Variants in CACNA1H observed in about 807,000 individuals in gnomAD.
The protein encoded by CACNA1H is voltage-dependent T-type calcium channel subunit alpha-1H.
A neutral mutation model predicts 192.5 loss-of-function variants in CACNA1H; 149 were observed. The ratio of observed to expected loss-of-function variants is 0.77; its 90% CI spans 0.68 to 0.89. The LOEUF (loss-of-function observed/expected upper bound fraction) is 0.89, where lower values mean the gene tolerates loss of function less well. Among genes scored for constraint, CACNA1H ranks in the 40% least tolerant of loss-of-function variants. The pLI is 0.00. For synonymous variants in CACNA1H, 2,202 were observed against 1,475.2 expected, an observed-to-expected ratio of 1.49 and a Z score of -11.29; for missense variants, 4,257 against 3,423.5, an observed-to-expected ratio of 1.24 and a Z score of -6.08.
At chr16:1,207,987 G>A (rs189662142) in intron 15 of CACNA1H, 26 bp from the exon 16 acceptor site, 26 of 1,578,834 alleles carry the variant, frequency 1.6e-5, no homozygotes, top group Non-Finnish European at 4.3e-6. Context: ...CAGCTCTAGG[G>A]GCCCATTCCT....
At position 1,213,844 on chromosome 16, in the gene CACNA1H, C is replaced by T. The variant is rs1427804663; in HGVS notation, c.4842C>T (p.Cys1614=). The change falls in exon 27 of 35, where the codon TGC becomes TGT. Residue 1614 remains cysteine, a synonymous_variant. Transcript: ENST00000348261. ...SPTRRSIHSL[C]TSHYLDLFIT... is the part of the protein sequence containing the mutation. ...CGCGCCGCTCCATTCACTCGCTGTG[C>T]ACCAGCCACTATCTCGACCTCTTCA... 6 of 1,603,876 alleles carry T rather than the reference C, an allele frequency of 3.7e-6. No homozygotes were observed. Among genetic ancestry groups the T allele is most frequent in the Admixed American group, 1.7e-5 (1 of 58,656 alleles).
At chr16:1,165,602 A>G (rs1007799625) in intron 2 of CACNA1H, among the ~76,000 whole-genome samples, 1 of 151,806 alleles carries the variant, frequency 6.6e-6, no homozygotes, top group African/African-American at 2.4e-5. Context: ...GCCGGCCCGG[A>G]GCTGAGGCAC....
rs1403815239 is a variant in CACNA1H at position 1,195,549 on chromosome 16, TTCA to T, written c.532_534del (p.Ile178del). The T allele has an allele frequency of 1.9e-6, 3 of 1,603,732 alleles. No individual in the cohort carries two copies. The highest frequency in any genetic ancestry group is 1.1e-5 in the South Asian group (1 of 88,808). On this transcript the variant is annotated inframe_deletion, in exon 4 of 35. Coordinates refer to ENST00000348261, the MANE Select transcript of CACNA1H (RefSeq NM_021098.3). The stretch of plus-strand genomic sequence containing the variant: ...TGACACGTGGAACAGGCTGGATTTC[TTCA>T]TCGTCGTGGCGGGGTAGGCCCCGCC...
chr16:1,211,092 G>A, intron 21 of CACNA1H, 76 bp from the exon 22 acceptor site: 1 of 1,579,230 alleles, frequency 6.3e-7, no homozygotes, highest in South Asian at 1.1e-5. Context: ...CCCACCTTGG[G>A]ACCTTTGCTG....
chr16:1,177,911 GA>G (rs1031341827), intron 2 of CACNA1H, among the ~76,000 whole-genome samples: 1 of 151,876 alleles, frequency 6.6e-6, no homozygotes, highest in Non-Finnish European at 1.5e-5. Flanking sequence ...ACTCCATGGG[GA>G]CACAAACTCT....
Position 1,211,934 on chromosome 16 carries a change from T to G in CACNA1H, c.4567-12T>G. The G allele has an allele frequency of 1.9e-6, 3 of 1,612,786 alleles. No individual in the cohort carries two copies. The highest frequency in any genetic ancestry group is 2.5e-6 in the Non-Finnish European group (3 of 1,179,606). Reference sequence around the variant, plus strand: ...GGCAGGCGGGCGGGGACCCACCGCCTCTGTGCCACAGCCTGTGCAGAACCA... The same window carrying G: ...GGCAGGCGGGCGGGGACCCACCGCCGCTGTGCCACAGCCTGTGCAGAACCA... On this transcript the variant is annotated splice_polypyrimidine_tract_variant and intron_variant, in intron 24 of 34. Transcript: ENST00000348261.
intron 2 of CACNA1H, among the ~76,000 whole-genome samples, chr16:1,194,343 C>T (rs924099475): frequency 2.6e-5 from 4 of 152,296 alleles, no homozygotes; most frequent in Admixed American, 1.3e-4. Flanking sequence ...TAAGGAAGGT[C>T]CCTCCTGGGT....
chr16:1,199,989 G>A (rs187909886), intron 6 of CACNA1H, among the ~76,000 whole-genome samples: 138 of 152,258 alleles, frequency 9.1e-4, no homozygotes, highest in Admixed American at 2.4e-3. Flanking sequence ...TTGTCTCTGT[G>A]GACTTGGGCT....
At chr16:1,205,567 TG>T (rs1381259512) in intron 11 of CACNA1H, among the ~76,000 whole-genome samples, 1 of 152,134 alleles carries the variant, frequency 6.6e-6, no homozygotes, top group African/African-American at 2.4e-5. Flanking sequence ...AAAGCAGGTG[TG>T]GGGTGGCCTC....
At chr16:1,187,577 G>A (rs1440469690) in intron 2 of CACNA1H, among the ~76,000 whole-genome samples, 1 of 152,232 alleles carries the variant, frequency 6.6e-6, no homozygotes, top group East Asian at 1.9e-4. Context: ...GGGTGGGGCA[G>A]GAACGGCCCA....
At position 1,178,529 on chromosome 16, in the gene CACNA1H, G is replaced by T. The variant is rs564029934; in HGVS notation, c.300-16443G>T. ...ACAGATGCAGAGGGGTGACAGTGGC[G>T]TCTACAGGCCAAGGACAGCAGCCGC... On this transcript the variant is annotated intron_variant, in intron 2 of 34. Coordinates refer to ENST00000348261, the MANE Select transcript of CACNA1H (RefSeq NM_021098.3). Among the ~76,000 whole-genome samples the T allele has an allele frequency of 1.3e-3, 193 of 152,236 alleles. 1 individual carries two copies. Among genetic ancestry groups the T allele is most frequent in the African/African-American group, 4.5e-3 (185 of 41,540 alleles).
chr16:1,156,178 C>A (rs1017658511), intron 2 of CACNA1H, among the ~76,000 whole-genome samples: 1 of 152,214 alleles, frequency 6.6e-6, no homozygotes, highest in African/African-American at 2.4e-5. Context: ...ACCTCTGGCA[C>A]GCTTTGGCTC....
At chr16:1,199,685 C>T (rs370271620) in intron 6 of CACNA1H, among the ~76,000 whole-genome samples, 5 of 149,408 alleles carry the variant, frequency 3.3e-5, no homozygotes, top group African/African-American at 7.4e-5. Flanking sequence ...CGGGTTCTCC[C>T]CTCAATTCTC....
In CACNA1H at chr16:1,200,712, C is replaced by A. The variant is rs765058001; in HGVS notation, c.1120-4C>A. 1.1e-5 allele frequency: 18 copies of A among 1,565,670 alleles called. No homozygotes were observed. The highest frequency in any genetic ancestry group is 9.5e-5 in the Admixed American group (5 of 52,542). On this transcript the variant is annotated splice_polypyrimidine_tract_variant and splice_region_variant and intron_variant, in intron 7 of 34. Coordinates refer to ENST00000348261, the MANE Select transcript of CACNA1H (RefSeq NM_021098.3). ...GGGCCCAAGTCAAGCCACTGCCCCC[C>A]CAGGTGATCACGCTGGAAGGCTGGG...
At position 1,180,233 on chromosome 16, in the gene CACNA1H, G is replaced by C. The variant is rs1965332640; in HGVS notation, c.300-14739G>C. 6.6e-6 allele frequency among the ~76,000 whole-genome samples: 1 copy of C among 152,236 alleles called. No homozygotes were observed. The highest frequency in any genetic ancestry group is 1.5e-5 in the Non-Finnish European group (1 of 68,044). On this transcript the variant is annotated intron_variant, in intron 2 of 34. Coordinates refer to ENST00000348261, the MANE Select transcript of CACNA1H (RefSeq NM_021098.3). The surrounding 1 kb of genome is among the most constrained non-coding windows in gnomAD (Gnocchi z 4.4). ...GTGTGCGTCCGCATTGCAGAACACG[G>C]GGCGTTGCAGGCCGGAGCTGGGTTT... is the stretch of plus-strand genomic sequence containing the variant.
chr16:1,202,534 C>T (rs2065558615), intron 9 of CACNA1H, 82 bp downstream of exon 9: 4 of 1,227,664 alleles, frequency 3.3e-6, no homozygotes, highest in Middle Eastern at 2.2e-4. Flanking sequence ...CATTCCCACA[C>T]CCATTGTGGG....
At chr16:1,206,361 A>G (rs938308165) in intron 12 of CACNA1H, 72 bp downstream of exon 12, 30 of 1,439,666 alleles carry the variant, frequency 2.1e-5, no homozygotes, top group Non-Finnish European at 2.8e-5. Flanking sequence ...GGCCCAGGGC[A>G]CCCCCCGAAG....
chr16:1,153,833 C>T lies in CACNA1H; in HGVS notation c.96C>T (p.Ser32=), dbSNP rs1961904056. The change falls in exon 2 of 35, where the codon AGC becomes AGT. Residue 32 remains serine (S), a synonymous_variant. Transcript: ENST00000348261. ...CGTTGGTGGGGGCGTCCCCGGAGAG[C>T]CCCGGGGCGCCGGGACGCGAGGCGG... ...PAALVGASPE[S]PGAPGREAER... 5 of 1,307,398 alleles carry T rather than the reference C, an allele frequency of 3.8e-6. No homozygotes were observed. The highest frequency in any genetic ancestry group is 4.9e-6 in the Non-Finnish European group (5 of 1,029,728). 81.0% of individuals were successfully genotyped at this position (1,307,398 alleles called of 1,614,324 possible).
intron 2 of CACNA1H, among the ~76,000 whole-genome samples, chr16:1,171,214 G>A (rs1162182582): frequency 1.3e-5 from 2 of 152,058 alleles, no homozygotes; most frequent in Admixed American, 6.5e-5. Context: ...CCCCCGCGCC[G>A]CCCAGGATCA....
Sources: gnomAD v4.1 joint callset for allele counts (sites outside exome capture counted in the v4.1 genomes callset) on GRCh38, gnomAD v4.1.1 for gene constraint, Gnocchi (gnomAD v3.1) non-coding constraint, MANE v1.5 for transcripts, NCBI Gene and HGNC (gene_info 2026-07-23, HGNC 2026-07-21) for gene names.